OSTM1: variants seen among roughly 807,000 people sequenced by gnomAD.
OSTM1 encodes the protein osteoclastogenesis associated transmembrane protein 1, also known as osteopetrosis-associated transmembrane protein 1.
OSTM1 carries 26 observed loss-of-function variants against 35.4 expected under a neutral mutation model. The observed-to-expected ratio is 0.73, with a 90% confidence interval of 0.54 to 1.02. OSTM1 has a LOEUF of 1.02. OSTM1 is among the 50% of genes least tolerant of loss of function. The probability of loss-of-function intolerance (pLI) is 0.00; values close to 1 mark genes in which losing one functional copy is unlikely to be tolerated. For synonymous variants in OSTM1, 181 were observed against 165.0 expected (o/e 1.10, Z -0.75); for missense variants, 366 against 409.6 (o/e 0.89, Z 0.92).
intron 3 of OSTM1, 85 bp from the exon 4 acceptor site, chr6:108,051,283 G>A (rs1772068904): frequency 2.0e-6 from 2 of 1,017,944 alleles, no homozygotes; most frequent in Admixed American, 2.0e-5. Context: ...GCTTCTAGAA[G>A]ACGGGAAACA....
intron 3 of OSTM1, 151 bp from the exon 4 acceptor site, chr6:108,051,349 G>A: frequency 1.6e-6 from 1 of 624,234 alleles, no homozygotes; most frequent in Non-Finnish European, 2.8e-6. Flanking sequence ...AAATCACTCT[G>A]AGTCTCAGTT....
intron 3 of OSTM1, among the ~76,000 whole-genome samples, chr6:108,052,859 G>C (rs1391706119): frequency 6.6e-6 from 1 of 152,110 alleles, no homozygotes. Flanking sequence ...CCATTCTTTA[G>C]GACTGCAGTA....
In OSTM1 at chr6:108,041,662, G is replaced by A. The variant is rs1239205865; in HGVS notation, c.*3123C>T. 1 of 152,138 alleles carries A rather than the reference G, an allele frequency of 6.6e-6. No individual in the cohort carries two copies. Among genetic ancestry groups the A allele is most frequent in the African/African-American group, 2.4e-5 (1 of 41,446 alleles). The allele number at this position is 152,138 out of a possible 1,614,324, so 9.4% of individuals were successfully genotyped here. ...GTAGTACAATATTTAAGCATCTCAA[G>A]TCTCCATTTAAGAGTTGACTATCAA... On this transcript the variant is annotated 3_prime_UTR_variant, in exon 6 of 6. Coordinates refer to ENST00000193322, the MANE Select transcript of OSTM1 (RefSeq NM_014028.4).
intron 2 of OSTM1, among the ~76,000 whole-genome samples, chr6:108,063,695 C>T (rs1432900969): frequency 6.6e-6 from 1 of 152,196 alleles, no homozygotes; most frequent in Non-Finnish European, 1.5e-5. Context: ...GCCTGCCACA[C>T]ACCACTTGAC....
At chr6:108,072,178 C>G (rs1772496702) in intron 1 of OSTM1, among the ~76,000 whole-genome samples, 1 of 152,172 alleles carries the variant, frequency 6.6e-6, no homozygotes. Context: ...ATCTTAACCA[C>G]TCAACACTGA....
rs954484888 is a variant in OSTM1, at chr6:108,041,845, C to T, written c.*2940G>A. 1.3e-5 allele frequency: 2 copies of T among 152,170 alleles called. No homozygotes were observed. The highest frequency in any genetic ancestry group is 4.8e-5 in the African/African-American group (2 of 41,432). The allele number at this position is 152,170 out of a possible 1,614,324, so 9.4% of individuals were successfully genotyped here. A position where few individuals can be genotyped will look rare whatever the true frequency, so the allele number is the denominator to read the frequency against. On this transcript the variant is annotated 3_prime_UTR_variant, in exon 6 of 6. Transcript: ENST00000193322. ...GATCCATCCAGCTCTGGGAATCTATCATCAGATGGCCTCTAAGGTTTCTTC... is the reference window on the plus strand; with the variant it reads ...GATCCATCCAGCTCTGGGAATCTATTATCAGATGGCCTCTAAGGTTTCTTC...
intron 2 of OSTM1, among the ~76,000 whole-genome samples, chr6:108,058,648 G>A (rs978363656): frequency 2.0e-5 from 3 of 152,054 alleles, no homozygotes; most frequent in African/African-American, 7.2e-5. Flanking sequence ...CGTGGTGGTG[G>A]GCACCTGTAG....
Position 108,051,218 on chromosome 6 carries a change from T to A in OSTM1, c.616-20A>T. The A allele has an allele frequency of 1.9e-6, 3 of 1,553,994 alleles. No homozygotes were observed. The highest frequency in any genetic ancestry group is 2.7e-6 in the Non-Finnish European group (3 of 1,126,386). On this transcript the variant is annotated intron_variant, in intron 3 of 5. Coordinates refer to ENST00000193322, the MANE Select transcript of OSTM1 (RefSeq NM_014028.4). Reference sequence around the variant, plus strand: ...ATTCCCCTAAAATGACAAAGGCACATGTAATATATACAATAAACATTATAT... The same window carrying A: ...ATTCCCCTAAAATGACAAAGGCACAAGTAATATATACAATAAACATTATAT...
chr6:108,069,868 C>T (rs1485071268), intron 1 of OSTM1, among the ~76,000 whole-genome samples: 1 of 152,062 alleles, frequency 6.6e-6, no homozygotes, highest in Non-Finnish European at 1.5e-5. Flanking sequence ...ATTGCTGTAC[C>T]ACATAAATAG....
At chr6:108,062,989 A>ACCTGCAAT (rs2114605143) in intron 2 of OSTM1, among the ~76,000 whole-genome samples, 1 of 6,694 alleles carries the variant, frequency 1.5e-4, no homozygotes, top group East Asian at 6.2e-3. Flanking sequence ...CTCTGTGACT[A>ACCTGCAAT]CCTGCAATGT....
chr6:108,074,429 G>C lies in OSTM1; in HGVS notation c.223C>G (p.Pro75Ala). 6.4e-7 allele frequency: 1 copy of C among 1,561,546 alleles called. No homozygotes were observed. The highest frequency in any genetic ancestry group is 1.2e-5 in the South Asian group (1 of 85,460). The change falls in exon 1 of 6, where the codon CCG becomes GCG. Residue 75 changes from proline (P) to alanine (A), a missense_variant. Coordinates refer to ENST00000193322, the MANE Select transcript of OSTM1 (RefSeq NM_014028.4). ...GGGLGPLSLPPDLPDLDPECR... is the reference protein window; with the variant it reads ...GGGLGPLSLPADLPDLDPECR... The stretch of plus-strand genomic sequence containing the variant: ...TCAGGATCCAGATCCGGCAGGTCCG[G>C]GGGCAGCGACAGAGGCCCCAGCCCT...
intron 1 of OSTM1, 100 bp from the exon 2 acceptor site, chr6:108,064,399 T>C (rs1772341607): frequency 1.4e-6 from 1 of 715,916 alleles, no homozygotes; most frequent in African/African-American, 1.8e-5. Context: ...TATTATAAGC[T>C]TTTTAACATT....
Position 108,074,405 on chromosome 6 carries a change from C to G in OSTM1, c.247G>C (p.Glu83Gln). 2 of 1,573,124 alleles carry G rather than the reference C, an allele frequency of 1.3e-6. No homozygotes were observed. Among genetic ancestry groups the G allele is most frequent in the South Asian group, 1.2e-5 (1 of 86,670 alleles). The change falls in exon 1 of 6, where the codon GAG becomes CAG. Residue 83 changes from glutamate to glutamine, a missense_variant. This residue lies in a region of OSTM1 where 236 missense variants were observed against 239.3 expected (regional missense o/e 0.99). Transcript: ENST00000193322. ...LPPDLPDLDP[E>Q]CRELLLDFAN... ...AAGTCCAGCAGGAGCTCCCGGCACT[C>G]AGGATCCAGATCCGGCAGGTCCGGG...
rs1772033911 is a variant in OSTM1 at position 108,049,252 on chromosome 6, C to T, written c.949+1G>A. 5.6e-6 allele frequency: 9 copies of T among 1,601,702 alleles called. No homozygotes were observed. Among genetic ancestry groups the T allele is most frequent in the Non-Finnish European group, 6.8e-6 (8 of 1,170,168 alleles). On this transcript the variant is annotated splice_donor_variant, in intron 5 of 5. Transcript: ENST00000193322. LOFTEE classifies it high-confidence loss of function. ...AAAATAAATAATTGTAAAAAACTTA[C>T]GCAGAATGAGTTTGCGTTTCTTTTG...
intron 5 of OSTM1, among the ~76,000 whole-genome samples, chr6:108,047,415 C>T (rs1425966341): frequency 1.3e-5 from 2 of 152,240 alleles, no homozygotes; most frequent in African/African-American, 4.8e-5. Flanking sequence ...AGGTCATGTA[C>T]AGCTTGGAGA....
chr6:108,067,147 T>C (rs1468012063), intron 1 of OSTM1, among the ~76,000 whole-genome samples: 1 of 149,868 alleles, frequency 6.7e-6, no homozygotes, highest in Non-Finnish European at 1.5e-5. Context: ...AACCGCTATT[T>C]CAAATCCTCT....
intron 5 of OSTM1, among the ~76,000 whole-genome samples, chr6:108,048,214 G>C: frequency 6.6e-6 from 1 of 152,122 alleles, no homozygotes; most frequent in East Asian, 1.9e-4. Flanking sequence ...AATTTATAGG[G>C]AAAAGAATTT....
chr6:108,051,253 C>T lies in OSTM1; in HGVS notation c.616-55G>A. On this transcript the variant is annotated intron_variant, in intron 3 of 5. Coordinates refer to ENST00000193322, the MANE Select transcript of OSTM1 (RefSeq NM_014028.4). ...ACAATAAACATTATATACAATATCT[C>T]TTTAATGTAAGCTATTTACGCTTCT... 4 of 1,286,246 alleles carry T rather than the reference C, an allele frequency of 3.1e-6. No individual in the cohort carries two copies. In the South Asian group the frequency reaches 4.9e-5, roughly 16 times the overall value. 79.7% of individuals were successfully genotyped at this position (1,286,246 alleles called of 1,614,324 possible).
rs1171060906 is a variant in OSTM1 at position 108,074,484 on chromosome 6, C to T, written c.168G>A (p.Glu56=). 1 of 1,557,990 alleles carries T rather than the reference C, an allele frequency of 6.4e-7. No individual in the cohort carries two copies. Among genetic ancestry groups the T allele is most frequent in the South Asian group, 1.2e-5 (1 of 84,802 alleles). The change falls in exon 1 of 6, where the codon GAG becomes GAA. Residue 56 remains glutamate, a synonymous_variant. Coordinates refer to ENST00000193322, the MANE Select transcript of OSTM1 (RefSeq NM_014028.4). Reference sequence around the variant, plus strand: ...CCTGCAGGAGGGACAGGGACAAGTCCTCCACCTCCAGCAACTGCTGCTCCG... The same window carrying T: ...CCTGCAGGAGGGACAGGGACAAGTCTTCCACCTCCAGCAACTGCTGCTCCG... ...LLSEQQLLEV[E]DLSLSLLQGG... is the part of the protein sequence containing the mutation.
Sources: gnomAD v4.1 joint callset for allele counts (sites outside exome capture counted in the v4.1 genomes callset) on GRCh38, gnomAD v4.1.1 for gene constraint, gnomAD v4.1.1 regional missense constraint, MANE v1.5 for transcripts, NCBI Gene and HGNC (gene_info 2026-07-23, HGNC 2026-07-21) for gene names.